The following RELN variants were observed in gnomAD, a reference collection of about 807,000 sequenced individuals.
RELN encodes the protein reelin.
In RELN, 108 loss-of-function variants were observed where a neutral mutation model predicts 427.6. The observed-to-expected ratio is 0.25, with a 90% confidence interval of 0.22 to 0.30. The LOEUF is 0.30. RELN is among the 10% of genes least tolerant of loss of function. The pLI is 1.00. For missense variants in RELN, 3,715 were observed against 4,302.8 expected (o/e 0.86, Z 3.82); for synonymous variants, 1,524 against 1,513.4 (o/e 1.01, Z -0.16).
At chr7:103,973,582 T>C (rs1180459457) in intron 1 of RELN, among the ~76,000 whole-genome samples, 2 of 151,992 alleles carry the variant, frequency 1.3e-5, no homozygotes, top group Non-Finnish European at 2.9e-5. Flanking sequence ...ATTTAAAATA[T>C]GTACAAAAAT....
chr7:103,549,120 C>G (rs949705505), intron 41 of RELN, among the ~76,000 whole-genome samples: 7 of 152,122 alleles, frequency 4.6e-5, no homozygotes, highest in African/African-American at 1.7e-4. Flanking sequence ...GTGGACTGCT[C>G]TGTATCTAGA....
intron 4 of RELN, among the ~76,000 whole-genome samples, chr7:103,766,373 G>A (rs1337334012): frequency 5.9e-5 from 9 of 152,116 alleles, no homozygotes; most frequent in African/African-American, 1.4e-4. Context: ...AAGTAGATAC[G>A]TTAAAACCCA....
Position 103,640,427 on chromosome 7 carries a change from C to T in RELN, c.2069+116G>A, listed in dbSNP as rs2117361728. 9.9e-7 allele frequency: 1 copy of T among 1,011,636 alleles called. No individual in the cohort carries two copies. The highest frequency in any genetic ancestry group is 1.5e-6 in the Non-Finnish European group (1 of 653,462). 62.7% of individuals were successfully genotyped at this position (1,011,636 alleles called of 1,614,324 possible). Reference sequence around the variant, plus strand: ...CTTAAGTTCTAATAGAAATATCCAACTTTTTGTCTTAAAAAGATCCCCGAT... The same window carrying T: ...CTTAAGTTCTAATAGAAATATCCAATTTTTTGTCTTAAAAAGATCCCCGAT... On this transcript the variant is annotated intron_variant, in intron 17 of 64. Coordinates refer to ENST00000428762, the MANE Select transcript of RELN (RefSeq NM_005045.4). This position sits in a 1 kb window ranked among gnomAD's most constrained non-coding sequence, Gnocchi z 4.1.
intron 10 of RELN, among the ~76,000 whole-genome samples, chr7:103,694,093 G>A (rs916029025): frequency 1.3e-5 from 2 of 152,114 alleles, no homozygotes; most frequent in Non-Finnish European, 2.9e-5. Flanking sequence ...TCTTCTGGAG[G>A]AAGGAACAGG....
intron 45 of RELN, 30 bp from the exon 46 acceptor site, chr7:103,535,514 A>C: frequency 6.3e-7 from 1 of 1,591,690 alleles, no homozygotes; most frequent in Non-Finnish European, 8.6e-7. Flanking sequence ...TTTGGATATA[A>C]ACACATATCT....
intron 1 of RELN, among the ~76,000 whole-genome samples, chr7:103,934,349 A>G (rs1444322115): frequency 6.6e-6 from 1 of 152,046 alleles, no homozygotes; most frequent in African/African-American, 2.4e-5. Flanking sequence ...CAGACACATT[A>G]TTTCTTGTTT....
intron 45 of RELN, among the ~76,000 whole-genome samples, chr7:103,536,274 T>G (rs535284418): frequency 3.9e-5 from 6 of 152,354 alleles, no homozygotes; most frequent in African/African-American, 1.4e-4. Context: ...TTTATTTCTT[T>G]CCTTTTCTTC....
intron 1 of RELN, among the ~76,000 whole-genome samples, chr7:103,934,326 AT>A (rs1795932525): frequency 6.6e-6 from 1 of 152,180 alleles, no homozygotes; most frequent in Admixed American, 6.5e-5. Context: ...TTCAATGAGA[AT>A]TGCATGCCTG....
chr7:103,967,450 A>G (rs1219795574), intron 1 of RELN, among the ~76,000 whole-genome samples: 1 of 152,164 alleles, frequency 6.6e-6, no homozygotes, highest in East Asian at 1.9e-4. Flanking sequence ...GGACAACCCT[A>G]GAGCAGTGAA....
intron 2 of RELN, among the ~76,000 whole-genome samples, chr7:103,912,211 T>G (rs1001821602): frequency 5.9e-5 from 9 of 152,004 alleles, no homozygotes; most frequent in Non-Finnish European, 8.8e-5. Context: ...CTTTTTTTTT[T>G]TTGAGACAGA....
intron 2 of RELN, among the ~76,000 whole-genome samples, chr7:103,873,927 C>A (rs1794413856): frequency 7.5e-6 from 1 of 133,514 alleles, no homozygotes; most frequent in African/African-American, 2.6e-5. Context: ...AGACCAATAT[C>A]CTTGATGAAC....
At chr7:103,676,423 C>T (rs1373173369) in intron 11 of RELN, among the ~76,000 whole-genome samples, 1 of 152,160 alleles carries the variant, frequency 6.6e-6, no homozygotes, top group Non-Finnish European at 1.5e-5. Context: ...GAAATAGGAA[C>T]ACTTTTACAC....
chr7:103,845,172 G>A lies in RELN; in HGVS notation c.338-11500C>T, dbSNP rs77326928. ...TTTTTTTTTTTTTGCTAAAATTAAT[G>A]TTCCCATGGTCTTCACTCTCATCCT... On this transcript the variant is annotated intron_variant, in intron 2 of 64. Coordinates refer to ENST00000428762, the MANE Select transcript of RELN (RefSeq NM_005045.4). Among the ~76,000 whole-genome samples the A allele has an allele frequency of 9.4e-3, 1,407 of 150,434 alleles. 16 individuals are homozygous for A. Among genetic ancestry groups the A allele is most frequent in the African/African-American group, 0.033 (1,345 of 40,936 alleles).
intron 10 of RELN, among the ~76,000 whole-genome samples, chr7:103,694,832 T>A (rs941868331): frequency 7.2e-6 from 1 of 139,584 alleles, no homozygotes; most frequent in African/African-American, 2.9e-5. Flanking sequence ...GCTAGTTTTT[T>A]TTTTTTAATT....
At position 103,909,759 on chromosome 7, in the gene RELN, T is replaced by A. The variant is rs1248499094; in HGVS notation, c.337+7316A>T. 2.1e-3 allele frequency among the ~76,000 whole-genome samples: 186 copies of A among 88,480 alleles called. 11 individuals carry two copies. Among genetic ancestry groups the A allele is most frequent in the South Asian group, 2.9e-3 (9 of 3,108 alleles). The allele number at this position is 88,480 out of a possible 152,430, so 58.0% of individuals were successfully genotyped here. A position where few individuals can be genotyped will look rare whatever the true frequency, so the allele number is the denominator to read the frequency against. The stretch of plus-strand genomic sequence containing the variant: ...AATATATATAAATATATATATTAAA[T>A]ATATATATTTAATATATATAAATAT... On this transcript the variant is annotated intron_variant, in intron 2 of 64. Coordinates refer to ENST00000428762, the MANE Select transcript of RELN (RefSeq NM_005045.4).
At chr7:103,604,284 G>A in intron 23 of RELN, 62 bp downstream of exon 23, 1 of 1,596,798 alleles carries the variant, frequency 6.3e-7, no homozygotes, top group Middle Eastern at 1.7e-4. Flanking sequence ...CAACTGCTGT[G>A]GTATCCTCCA....
At chr7:103,919,882 G>A (rs1795574534) in intron 1 of RELN, among the ~76,000 whole-genome samples, 1 of 152,124 alleles carries the variant, frequency 6.6e-6, no homozygotes, top group Non-Finnish European at 1.5e-5. Context: ...TAAAAACTGA[G>A]GTTCACACTT....
At chr7:103,754,648 C>A (rs557798717) in intron 4 of RELN, among the ~76,000 whole-genome samples, 1 of 151,936 alleles carries the variant, frequency 6.6e-6, no homozygotes, top group Admixed American at 6.6e-5. Flanking sequence ...TGGTGGTGCA[C>A]GCCTGTAGTC....
intron 2 of RELN, among the ~76,000 whole-genome samples, chr7:103,868,923 A>C (rs1045360414): frequency 2.0e-5 from 3 of 151,858 alleles, no homozygotes; most frequent in Non-Finnish European, 4.4e-5. Flanking sequence ...CTTTCAATCT[A>C]TTTGCTTTTT....
Sources: allele counts gnomAD v4.1 joint callset (sites outside exome capture counted in the v4.1 genomes callset), GRCh38; gene constraint gnomAD v4.1.1; non-coding constraint Gnocchi (gnomAD v3.1); transcripts MANE v1.5; gene names NCBI Gene and HGNC (gene_info 2026-07-23, HGNC 2026-07-21).